Variants in CARD19 observed in about 807,000 individuals in gnomAD.
CARD19 encodes caspase recruitment domain family member 19, also known as caspase recruitment domain-containing protein 19.
In CARD19, 25 loss-of-function variants were observed where a neutral mutation model predicts 24.1. That is an observed-to-expected ratio of 1.04 (90% confidence interval 0.76 to 1.45). CARD19 has a LOEUF of 1.45. CARD19 is among the 40% of genes most tolerant of loss of function. The pLI is 0.00. For synonymous variants in CARD19, 103 were observed against 104.9 expected (o/e 0.98, Z 0.11); for missense variants, 241 against 247.4 (o/e 0.97, Z 0.17).
At chr9:93,100,745 G>T (rs1025490311) in intron 1 of CARD19, among the ~76,000 whole-genome samples, 7 of 151,998 alleles carry the variant, frequency 4.6e-5, no homozygotes, top group Admixed American at 3.9e-4. Context: ...ACACCTCCTG[G>T]TAATCTGTAT....
chr9:93,107,099 C>G (rs899112244), intron 1 of CARD19, among the ~76,000 whole-genome samples: 2 of 152,106 alleles, frequency 1.3e-5, no homozygotes, highest in South Asian at 4.1e-4. Flanking sequence ...ACACTGTGTC[C>G]CATGGTGATC....
chr9:93,101,445 C>CTTTT (rs748181911), intron 1 of CARD19, among the ~76,000 whole-genome samples: 2 of 129,128 alleles, frequency 1.5e-5, no homozygotes, highest in African/African-American at 5.6e-5. Context: ...CACGGTAATT[C>CTTTT]TTTTTTTTTT....
At chr9:93,104,367 A>G (rs556603953) in intron 1 of CARD19, among the ~76,000 whole-genome samples, 1 of 152,236 alleles carries the variant, frequency 6.6e-6, no homozygotes, top group South Asian at 2.1e-4. Context: ...CTGTCTCCCA[A>G]AGTGGTTTTC....
At chr9:93,102,575 C>G (rs1827124300) in intron 1 of CARD19, among the ~76,000 whole-genome samples, 1 of 151,668 alleles carries the variant, frequency 6.6e-6, no homozygotes, top group Non-Finnish European at 1.5e-5. Context: ...TATGATAGTA[C>G]CACATTGTTT....
chr9:93,107,500 C>T (rs7028778), intron 1 of CARD19, among the ~76,000 whole-genome samples, 174 bp from the exon 2 acceptor site: 33,927 of 152,274 alleles, frequency 0.22, 6,917 homozygotes, highest in African/African-American at 0.54. Context: ...GGGCAGCTCT[C>T]AGCTGGGCAA....
Position 93,111,930 on chromosome 9 carries a change from G to A in CARD19, c.356G>A (p.Ser119Asn), listed in dbSNP as rs1376317620. The change falls in exon 4 of 6, where the codon AGT becomes AAT. Residue 119 changes from serine (S) to asparagine (N), a missense_variant. Coordinates refer to ENST00000375464, the MANE Select transcript of CARD19 (RefSeq NM_032310.5). ...LDSGSQSGELSNRGPMSFLAG... is the reference protein window; with the variant it reads ...LDSGSQSGELNNRGPMSFLAG... ...TCGGGCAGCCAGAGCGGCGAGCTGAGTAACAGGGGTAACACCTCCCTGCTG... is the reference window on the plus strand; with the variant it reads ...TCGGGCAGCCAGAGCGGCGAGCTGAATAACAGGGGTAACACCTCCCTGCTG... The A allele has an allele frequency of 3.7e-6, 6 of 1,610,932 alleles. No individual in the cohort carries two copies.
intron 2 of CARD19, chr9:93,108,936 C>T (rs1336565746): frequency 6.6e-6 from 1 of 152,314 alleles, no homozygotes; most frequent in Non-Finnish European, 1.5e-5. Context: ...ACCCTGCCGA[C>T]CCTACCCACA....
At chr9:93,112,137 C>G in intron 4 of CARD19, 81 bp from the exon 5 acceptor site, 1 of 1,430,940 alleles carries the variant, frequency 7.0e-7, no homozygotes, top group South Asian at 1.2e-5. Flanking sequence ...GGCACCCCCA[C>G]TCCCCTGCGC....
At chr9:93,102,495 T>C (rs1827121787) in intron 1 of CARD19, among the ~76,000 whole-genome samples, 1 of 152,198 alleles carries the variant, frequency 6.6e-6, no homozygotes, top group Admixed American at 6.5e-5. Context: ...TTTTTTCCAC[T>C]CTTTTAATTA....
Position 93,110,587 on chromosome 9 carries a change from C to G in CARD19, c.170C>G (p.Ser57Cys). The G allele has an allele frequency of 6.2e-7, 1 of 1,608,984 alleles. No homozygotes were observed. ...CCTCAGTTCCGGAACCCCAAGGCAT[C>G]CTTGCGTGTGCGGCTCTGTGACCTC... ...EAEKFRNPKA[S>C]LRVRLCDLLS... is the part of the protein sequence containing the mutation. The change falls in exon 3 of 6, where the codon TCC becomes TGC. Residue 57 changes from serine to cysteine, a missense_variant. Ser to Cys is a moderately radical substitution (Grantham distance 112). Transcript: ENST00000375464.
rs184568984 is a variant in CARD19, at chr9:93,100,728, T to C, written c.7+4376T>C. On this transcript the variant is annotated intron_variant, in intron 1 of 5. Coordinates refer to ENST00000375464, the MANE Select transcript of CARD19 (RefSeq NM_032310.5). ...TTAAACAATAACTCCCCTTTCTCCT[T>C]CTGCCCACACCTCCTGGTAATCTGT... 1.2e-3 allele frequency among the ~76,000 whole-genome samples: 184 copies of C among 152,334 alleles called. 1 individual carries two copies. Among genetic ancestry groups the C allele is most frequent in the Non-Finnish European group, 6.3e-4 (43 of 68,030 alleles).
chr9:93,103,319 A>G (rs1827149501), intron 1 of CARD19, among the ~76,000 whole-genome samples: 1 of 152,244 alleles, frequency 6.6e-6, no homozygotes, highest in Non-Finnish European at 1.5e-5. Context: ...AATCCCCTCA[A>G]AATAATCTGA....
intron 1 of CARD19, among the ~76,000 whole-genome samples, chr9:93,105,469 TG>T (rs1461516484): frequency 6.6e-6 from 1 of 151,954 alleles, no homozygotes; most frequent in African/African-American, 2.4e-5. Context: ...TTAGTAGAGA[TG>T]GGGTTTTGCC....
intron 1 of CARD19, among the ~76,000 whole-genome samples, chr9:93,106,161 G>GT (rs983853787): frequency 4.6e-5 from 7 of 151,576 alleles, no homozygotes; most frequent in East Asian, 1.9e-4. Flanking sequence ...ATTTGTATGG[G>GT]TTTTTTTTAC....
At chr9:93,103,076 A>G (rs2119074643) in intron 1 of CARD19, among the ~76,000 whole-genome samples, 1 of 152,304 alleles carries the variant, frequency 6.6e-6, no homozygotes, top group Non-Finnish European at 1.5e-5. Context: ...AACAGAGAAA[A>G]TTTTACTTCT....
intron 3 of CARD19, chr9:93,110,996 C>T (rs1171301115): frequency 6.7e-7 from 1 of 1,494,882 alleles, no homozygotes; most frequent in East Asian, 2.7e-5. Flanking sequence ...CAGCATGGGG[C>T]ATCTTATACG....
intron 3 of CARD19, 28 bp downstream of exon 3, chr9:93,110,749 G>T: frequency 6.3e-7 from 1 of 1,599,720 alleles, no homozygotes. Context: ...AACCATGCAT[G>T]CTTGGTGCTG....
At chr9:93,106,799 C>A (rs1393831504) in intron 1 of CARD19, among the ~76,000 whole-genome samples, 1 of 151,792 alleles carries the variant, frequency 6.6e-6, no homozygotes, top group Non-Finnish European at 1.5e-5. Context: ...TAAATATTTT[C>A]TTTGTGTACA....
At position 93,110,553 on chromosome 9, in the gene CARD19, C is replaced by T. The variant is rs751545948; in HGVS notation, c.151-15C>T. 2.5e-6 allele frequency: 4 copies of T among 1,583,314 alleles called. No individual in the cohort carries two copies. In the South Asian group the frequency reaches 4.7e-5, roughly 18 times the overall value. On this transcript the variant is annotated splice_polypyrimidine_tract_variant and intron_variant, in intron 2 of 5. Transcript: ENST00000375464. Reference sequence around the variant, plus strand: ...CCCTGGCCTGATCTTCCCTGGCACCCCCTTGTACCCTCAGTTCCGGAACCC... The same window carrying T: ...CCCTGGCCTGATCTTCCCTGGCACCTCCTTGTACCCTCAGTTCCGGAACCC...
Sources: allele counts gnomAD v4.1 joint callset (sites outside exome capture counted in the v4.1 genomes callset), GRCh38; gene constraint gnomAD v4.1.1; transcripts MANE v1.5; gene names NCBI Gene and HGNC (gene_info 2026-07-23, HGNC 2026-07-21).